Variants in SIPA1L1 observed in about 807,000 individuals in gnomAD.
SIPA1L1 encodes the protein signal induced proliferation associated 1 like 1, also known as signal-induced proliferation-associated 1-like protein 1.
A neutral mutation model predicts 162.7 loss-of-function variants in SIPA1L1; 26 were observed. That is an observed-to-expected ratio of 0.16 (90% confidence interval 0.12 to 0.22). The LOEUF (loss-of-function observed/expected upper bound fraction) is 0.22, where lower values mean the gene tolerates loss of function less well. Among genes scored for constraint, SIPA1L1 ranks in the 10% least tolerant of loss-of-function variants. The pLI, the probability that SIPA1L1 is intolerant of heterozygous loss-of-function variation, is 1.00. For missense variants in SIPA1L1, 1,874 were observed against 2,241.0 expected, an observed-to-expected ratio of 0.84 and a Z score of 3.31; for synonymous variants, 829 against 837.4, an observed-to-expected ratio of 0.99 and a Z score of 0.17.
chr14:71,327,780 T>C (rs963120793), intron 2 of SIPA1L1, among the ~76,000 whole-genome samples: 8 of 152,324 alleles, frequency 5.3e-5, no homozygotes, highest in African/African-American at 1.9e-4. Context: ...ACCATACTTG[T>C]AGCTGCTCCA....
intron 3 of SIPA1L1, among the ~76,000 whole-genome samples, chr14:71,518,761 C>T (rs2144751827): frequency 6.6e-6 from 1 of 151,806 alleles, no homozygotes; most frequent in Middle Eastern, 3.4e-3. Flanking sequence ...GGCAACATGG[C>T]AAAACACTGT....
intron 5 of SIPA1L1, among the ~76,000 whole-genome samples, chr14:71,617,511 G>A (rs1476137332): frequency 6.6e-6 from 1 of 152,072 alleles, no homozygotes; most frequent in Non-Finnish European, 1.5e-5. Flanking sequence ...AATTTCCATG[G>A]CTTATGATAA....
At chr14:71,445,378 G>A (rs1210203128) in intron 2 of SIPA1L1, among the ~76,000 whole-genome samples, 1 of 151,728 alleles carries the variant, frequency 6.6e-6, no homozygotes, top group African/African-American at 2.4e-5. Context: ...ATTTAATCTT[G>A]TTTAGCTACA....
intron 4 of SIPA1L1, among the ~76,000 whole-genome samples, chr14:71,554,817 T>G (rs2056205372): frequency 1.3e-5 from 2 of 152,164 alleles, no homozygotes. Context: ...TAAATAATGC[T>G]GTGATGAACC....
At chr14:71,358,427 C>T (rs1360726161) in intron 2 of SIPA1L1, among the ~76,000 whole-genome samples, 3 of 152,134 alleles carry the variant, frequency 2.0e-5, no homozygotes, top group Non-Finnish European at 4.4e-5. Context: ...AAGCATTTGC[C>T]ATTACGTGTA....
intron 8 of SIPA1L1, among the ~76,000 whole-genome samples, chr14:71,651,277 C>T (rs1421164551): frequency 3.3e-5 from 5 of 152,120 alleles, no homozygotes; most frequent in African/African-American, 1.2e-4. Flanking sequence ...CACCTGTGAC[C>T]TGTTTTTCTT....
chr14:71,412,349 G>A (rs1226830357), intron 2 of SIPA1L1, among the ~76,000 whole-genome samples: 1 of 152,186 alleles, frequency 6.6e-6, no homozygotes, highest in Non-Finnish European at 1.5e-5. Context: ...TGTATTTTAT[G>A]TGTGGCTTAA....
At chr14:71,636,273 A>C (rs1377089352) in intron 7 of SIPA1L1, among the ~76,000 whole-genome samples, 1 of 152,254 alleles carries the variant, frequency 6.6e-6, no homozygotes, top group Admixed American at 6.5e-5. Flanking sequence ...CATGGAATGT[A>C]TGCCAAGATA....
intron 2 of SIPA1L1, among the ~76,000 whole-genome samples, chr14:71,507,755 A>T (rs1567122884): frequency 1.3e-5 from 2 of 151,398 alleles, no homozygotes; most frequent in Non-Finnish European, 2.9e-5. Flanking sequence ...TTTTTTGTGA[A>T]CTCAGTCTTC....
At chr14:71,645,669 A>G (rs1307500642) in intron 7 of SIPA1L1, among the ~76,000 whole-genome samples, 1 of 152,234 alleles carries the variant, frequency 6.6e-6, no homozygotes, top group Admixed American at 6.5e-5. Flanking sequence ...GAGAAAAAGA[A>G]TGCAAGGAGT....
chr14:71,332,104 C>T (rs545603247), intron 2 of SIPA1L1, among the ~76,000 whole-genome samples: 3 of 152,154 alleles, frequency 2.0e-5, no homozygotes, highest in East Asian at 1.9e-4. Flanking sequence ...GTAGGCCTAC[C>T]ATAAAGATTT....
chr14:71,356,548 T>G, intron 2 of SIPA1L1, among the ~76,000 whole-genome samples: 1 of 73,244 alleles, frequency 1.4e-5, no homozygotes, highest in Non-Finnish European at 2.9e-5. Flanking sequence ...CTGGGCAACA[T>G]AGCAAGACCT....
At chr14:71,395,177 A>G (rs1383588196) in intron 2 of SIPA1L1, among the ~76,000 whole-genome samples, 1 of 152,250 alleles carries the variant, frequency 6.6e-6, no homozygotes. Context: ...CTTTGATGTA[A>G]TAACAGAGAA....
chr14:71,628,867 C>T (rs548081018), intron 7 of SIPA1L1, among the ~76,000 whole-genome samples: 52 of 152,164 alleles, frequency 3.4e-4, no homozygotes, highest in Non-Finnish European at 6.6e-4. Flanking sequence ...CAGAAGCACA[C>T]AGTGCGTTCA....
chr14:71,733,632 C>CAAAAAAAAAAAAAAAAAAAAAAA, intron 20 of SIPA1L1, 34 bp from the exon 21 acceptor site: 1 of 1,606,902 alleles, frequency 6.2e-7, no homozygotes, highest in Non-Finnish European at 8.5e-7. Flanking sequence ...TCCACAGGCA[C>CAAAAAAAAAAAAAAAAAAAAAAA]AAGAAGCATC....
At chr14:71,527,993 T>G (rs888699575) in intron 3 of SIPA1L1, among the ~76,000 whole-genome samples, 1 of 152,130 alleles carries the variant, frequency 6.6e-6, no homozygotes, top group Non-Finnish European at 1.5e-5. Flanking sequence ...GTTCAAGCGA[T>G]TTTCGTGCCT....
intron 2 of SIPA1L1, among the ~76,000 whole-genome samples, chr14:71,370,341 A>G (rs1020049765): frequency 5.9e-5 from 9 of 152,040 alleles, no homozygotes; most frequent in Admixed American, 4.6e-4. Context: ...CGTCCCATCA[A>G]TACCTGATTT....
intron 5 of SIPA1L1, among the ~76,000 whole-genome samples, chr14:71,589,764 C>T (rs1268786303): frequency 2.0e-5 from 3 of 151,966 alleles, no homozygotes; most frequent in African/African-American, 4.8e-5. Flanking sequence ...CATTTTTTAT[C>T]ACTTCCACAG....
intron 2 of SIPA1L1, among the ~76,000 whole-genome samples, chr14:71,461,923 G>T (rs1314928488): frequency 6.6e-6 from 1 of 152,182 alleles, no homozygotes; most frequent in Non-Finnish European, 1.5e-5. Context: ...GTGGGTGCAG[G>T]CTAGGGGAGA....
Sources: gnomAD v4.1 joint callset for allele counts (sites outside exome capture counted in the v4.1 genomes callset) on GRCh38, gnomAD v4.1.1 for gene constraint, MANE v1.5 for transcripts, NCBI Gene and HGNC (gene_info 2026-07-23, HGNC 2026-07-21) for gene names.